The following XKR5 variants were observed in gnomAD, a reference collection of about 807,000 sequenced individuals.
XKR5 encodes XK related 5.
XKR5 carries 46 observed loss-of-function variants against 40.8 expected under a neutral mutation model. The observed-to-expected ratio is 1.13, with a 90% CI of 0.89 to 1.44. The LOEUF is 1.44. Ranked by LOEUF, XKR5 falls within the 40% of genes most tolerant of loss-of-function variation. The pLI, the probability that XKR5 is intolerant of heterozygous loss-of-function variation, is 0.00. For missense variants in XKR5, 1,169 were observed against 844.7 expected (o/e 1.38, Z -4.76); for synonymous variants, 466 against 356.1 (o/e 1.31, Z -3.48).
chr8:6,832,220 C>T (rs902940454), intron 2 of XKR5, among the ~76,000 whole-genome samples: 1 of 152,064 alleles, frequency 6.6e-6, no homozygotes, highest in African/African-American at 2.4e-5. Flanking sequence ...GGCCCCAGAA[C>T]TATCCCTGGC....
At chr8:6,822,371 C>T (rs1804280552) in intron 4 of XKR5, among the ~76,000 whole-genome samples, 1 of 152,084 alleles carries the variant, frequency 6.6e-6, no homozygotes, top group African/African-American at 2.4e-5. Context: ...AAACTGACTG[C>T]CAATTATTTT....
intron 5 of XKR5, among the ~76,000 whole-genome samples, chr8:6,820,131 T>A (rs1804166987): frequency 6.6e-6 from 1 of 152,242 alleles, no homozygotes. Flanking sequence ...GATCCTGGTA[T>A]CAAGCCTTAG....
intron 5 of XKR5, among the ~76,000 whole-genome samples, chr8:6,820,129 T>C (rs1312245281): frequency 6.6e-6 from 1 of 152,212 alleles, no homozygotes; most frequent in South Asian, 2.1e-4. Flanking sequence ...AGGATCCTGG[T>C]ATCAAGCCTT....
At chr8:6,826,687 C>T (rs1804500107) in intron 2 of XKR5, among the ~76,000 whole-genome samples, 1 of 152,084 alleles carries the variant, frequency 6.6e-6, no homozygotes, top group African/African-American at 2.4e-5. Flanking sequence ...ATCTGGATGA[C>T]CAGTTGTGGT....
At position 6,832,766 on chromosome 8, in the gene XKR5, G is replaced by T; in HGVS notation, c.193C>A (p.His65Asn). Residue 65 changes from histidine to asparagine, a missense_variant, in exon 2 of 7, where the codon CAT (histidine) becomes AAT (asparagine). His to Asn is a moderately conservative substitution (Grantham distance 68, BLOSUM62 1). Transcript: ENST00000618742. Reference protein sequence around the residue: ...LWFRADGHPGHCSLMMLHLLQ... With the variant: ...LWFRADGHPGNCSLMMLHLLQ... The stretch of plus-strand genomic sequence containing the variant: ...AGGTGCAGCATCATCAAGGAGCAAT[G>T]CCCTGGATGCCCGTCTGCTCGGAAC... 1.9e-6 allele frequency: 3 copies of T among 1,613,424 alleles called. No homozygotes were observed. Among genetic ancestry groups the T allele is most frequent in the Non-Finnish European group, 2.5e-6 (3 of 1,179,690 alleles).
intron 4 of XKR5, 34 bp from the exon 5 acceptor site, chr8:6,822,072 A>G: frequency 1.3e-6 from 2 of 1,567,312 alleles, no homozygotes; most frequent in African/African-American, 2.7e-5. Flanking sequence ...GTCAGGGTCC[A>G]TGCAAGGAGA....
intron 6 of XKR5, 22 bp from the exon 7 acceptor site, chr8:6,812,361 A>C (rs1803768643): frequency 1.3e-6 from 2 of 1,521,682 alleles, no homozygotes; most frequent in Non-Finnish European, 1.8e-6. Context: ...CAAAAAGACC[A>C]CAAGGTTATG....
intron 2 of XKR5, among the ~76,000 whole-genome samples, chr8:6,827,468 G>A (rs1048934509): frequency 6.6e-6 from 1 of 152,186 alleles, no homozygotes; most frequent in Admixed American, 6.5e-5. Context: ...AAGATTCGGG[G>A]ACTCCTCTTT....
At position 6,825,233 on chromosome 8, in the gene XKR5, T is replaced by TGAA; in HGVS notation, c.358_359insTTC (p.Leu119dup). On this transcript the variant is annotated inframe_insertion, in exon 3 of 7. Transcript: ENST00000618742. ...CTGAAGCAGCAGGTGGGGCCCAGTC[T>TGAA]GCAGCAGGGCCTCCAAGAGTCGAAG... 2 of 1,612,918 alleles carry TGAA rather than the reference T, an allele frequency of 1.2e-6. No homozygotes were observed. The highest frequency in any genetic ancestry group is 1.7e-6 in the Non-Finnish European group (2 of 1,179,560).
At chr8:6,822,636 T>A (rs1804293270) in intron 4 of XKR5, among the ~76,000 whole-genome samples, 1 of 152,222 alleles carries the variant, frequency 6.6e-6, no homozygotes, top group Non-Finnish European at 1.5e-5. Context: ...TTTCTTAATG[T>A]CTCCAATTCT....
At chr8:6,831,741 T>C (rs2741091) in intron 2 of XKR5, among the ~76,000 whole-genome samples, 97,187 of 151,922 alleles carry the variant, frequency 0.64, 31,322 homozygotes, top group Middle Eastern at 0.67. Flanking sequence ...TGTGGCCAGG[T>C]GCAGTGGCTC....
At chr8:6,828,183 A>C (rs1804605254) in intron 2 of XKR5, among the ~76,000 whole-genome samples, 1 of 152,218 alleles carries the variant, frequency 6.6e-6, no homozygotes. Flanking sequence ...AAATATAAGT[A>C]TCAACATGAG....
Position 6,821,971 on chromosome 8 carries a change from G to A in XKR5, c.705C>T (p.Cys235=), listed in dbSNP as rs754173417. The change falls in exon 5 of 7, where the codon TGC becomes TGT. Residue 235 remains cysteine, a synonymous_variant. Transcript: ENST00000618742. ...CGAGCAGGTTGAACAGCCTCCAGTG[G>A]CAGGTGCTGTCGATGATGTCACTCT... ...AQQSDIIDST[C]HWRLFNLLVG... is the part of the protein sequence containing the mutation. 6.2e-6 allele frequency: 10 copies of A among 1,610,048 alleles called. No homozygotes were observed. The highest frequency in any genetic ancestry group is 1.6e-4 in the Middle Eastern group (1 of 6,082).
rs1385748868 is a variant in XKR5, at chr8:6,812,196, C to T, written c.1063G>A (p.Gly355Arg). Residue 355 changes from glycine (G) to arginine (R), a missense_variant, in exon 7 of 7, where the codon GGG (glycine) becomes AGG (arginine). By Grantham distance (125) the Gly-to-Arg change is moderately radical (BLOSUM62 -2). Transcript: ENST00000618742. ...RDSPRATDLA[G>R]KRTESSGSCQ... ...GAGCCTGAGCTCTCGGTTCTCTTCCCAGCTAGATCTGTGGCCCGGGGAGAA... is the reference window on the plus strand; with the variant it reads ...GAGCCTGAGCTCTCGGTTCTCTTCCTAGCTAGATCTGTGGCCCGGGGAGAA... The T allele has an allele frequency of 6.4e-7, 1 of 1,551,840 alleles. No homozygotes were observed. Among genetic ancestry groups the T allele is most frequent in the Non-Finnish European group, 8.7e-7 (1 of 1,147,020 alleles).
chr8:6,811,991 GC>G lies in XKR5; in HGVS notation c.1267del (p.Ala423ProfsTer16), dbSNP rs1177861590. On this transcript the variant is annotated frameshift_variant, in exon 7 of 7. Coordinates refer to ENST00000618742, the MANE Select transcript of XKR5 (RefSeq NM_207411.5). LOFTEE classifies it low-confidence loss of function (END_TRUNC). Reference protein sequence around the residue: ...KTGNVSKINAAFGDNSPAYCP... With the variant: ...KTGNVSKINAXFGDNSPAYCP... ...ATAGGCAGGACTGTTATCTCCAAAG[GC>G]GGCATTGATCTTAGACACATTTCCT... is the stretch of plus-strand genomic sequence containing the variant. 1 of 1,537,192 alleles carries G rather than the reference GC, an allele frequency of 6.5e-7. No homozygotes were observed. The highest frequency in any genetic ancestry group is 2.4e-5 in the East Asian group (1 of 40,914).
At chr8:6,833,728 A>G (rs1804874402) in intron 1 of XKR5, among the ~76,000 whole-genome samples, 1 of 151,746 alleles carries the variant, frequency 6.6e-6, no homozygotes, top group African/African-American at 2.4e-5. Context: ...AAACAAAACA[A>G]AACAGTAACC....
chr8:6,815,768 G>C, intron 6 of XKR5, 39 bp downstream of exon 6: 1 of 1,415,750 alleles, frequency 7.1e-7, no homozygotes, highest in Middle Eastern at 1.8e-4. Context: ...AAATACGTTG[G>C]GGAGGGGATG....
Position 6,819,545 on chromosome 8 carries a change from T to C in XKR5, c.807+2324A>G, listed in dbSNP as rs567110410. ...GGGAGAGGCTGCCTCACACTCTGAA[T>C]GGCCCGTGCCACGGAGCCAGGGCTG... On this transcript the variant is annotated intron_variant, in intron 5 of 6. Transcript: ENST00000618742. Among the ~76,000 whole-genome samples the C allele has an allele frequency of 3.1e-3, 469 of 152,292 alleles. 1 individual carries two copies. The highest frequency in any genetic ancestry group is 0.011 in the African/African-American group (455 of 41,562).
chr8:6,829,506 T>G (rs1225232144), intron 2 of XKR5, among the ~76,000 whole-genome samples: 1 of 152,176 alleles, frequency 6.6e-6, no homozygotes, highest in African/African-American at 2.4e-5. Flanking sequence ...GCTTAAATCC[T>G]TGCCTTTTTA....
Sources: allele counts gnomAD v4.1 joint callset (sites outside exome capture counted in the v4.1 genomes callset), GRCh38; gene constraint gnomAD v4.1.1; transcripts MANE v1.5; gene names NCBI Gene and HGNC (gene_info 2026-07-23, HGNC 2026-07-21).